IMMP2L: variants seen among roughly 807,000 people sequenced by gnomAD.
IMMP2L encodes inner mitochondrial membrane peptidase subunit 2, also known as mitochondrial inner membrane protease subunit 2.
In IMMP2L, 18 loss-of-function variants were observed where a neutral mutation model predicts 19.3. That is an observed-to-expected ratio of 0.93 (90% CI 0.64 to 1.38). The LOEUF is 1.38. Ranked by LOEUF, IMMP2L falls within the 40% of genes most tolerant of loss-of-function variation. The pLI is 0.00. For missense variants in IMMP2L, 233 were observed against 218.2 expected, an observed-to-expected ratio of 1.07 and a Z score of -0.43; for synonymous variants, 76 against 73.0, an observed-to-expected ratio of 1.04 and a Z score of -0.21.
At chr7:111,042,088 A>G (rs1311252140) in intron 3 of IMMP2L, among the ~76,000 whole-genome samples, 1 of 152,244 alleles carries the variant, frequency 6.6e-6, no homozygotes, top group Non-Finnish European at 1.5e-5. Flanking sequence ...ATAATTTATG[A>G]TTCTTAAAAT....
chr7:110,945,698 T>A (rs552450712), intron 4 of IMMP2L, among the ~76,000 whole-genome samples: 4 of 152,190 alleles, frequency 2.6e-5, no homozygotes, highest in Admixed American at 6.6e-5. Context: ...TCAGCCGCTT[T>A]CCATTTTTCT....
intron 3 of IMMP2L, among the ~76,000 whole-genome samples, chr7:110,998,101 C>T (rs1429351273): frequency 6.6e-6 from 1 of 152,100 alleles, no homozygotes; most frequent in East Asian, 1.9e-4. Context: ...CCCAAACTAT[C>T]CTTTCTCAGA....
chr7:111,199,491 A>C (rs1809871382), intron 3 of IMMP2L, among the ~76,000 whole-genome samples: 1 of 152,174 alleles, frequency 6.6e-6, no homozygotes, highest in Admixed American at 6.5e-5. Context: ...TTAACACATT[A>C]AAAACAGTAC....
chr7:111,254,241 T>TGTTTC (rs932129210), intron 3 of IMMP2L, among the ~76,000 whole-genome samples: 1 of 152,098 alleles, frequency 6.6e-6, no homozygotes, highest in African/African-American at 2.4e-5. Context: ...TGTTTTGTTT[T>TGTTTC]GTTTTGTTTT....
At chr7:110,891,187 A>G (rs1330839588) in intron 4 of IMMP2L, among the ~76,000 whole-genome samples, 3 of 151,778 alleles carry the variant, frequency 2.0e-5, no homozygotes, top group African/African-American at 7.3e-5. Context: ...GGACCCAGAA[A>G]TATCAGCAGT....
At chr7:111,044,638 T>G (rs1175225977) in intron 3 of IMMP2L, among the ~76,000 whole-genome samples, 1 of 152,238 alleles carries the variant, frequency 6.6e-6, no homozygotes, top group Admixed American at 6.5e-5. Context: ...ATAAGCCATT[T>G]GTCAATCTAC....
chr7:110,989,217 A>G (rs534880468), intron 3 of IMMP2L, among the ~76,000 whole-genome samples: 4 of 152,238 alleles, frequency 2.6e-5, no homozygotes, highest in African/African-American at 9.6e-5. Context: ...CCTGGGCAAC[A>G]AGAGTGAAAC....
chr7:111,448,438 C>G (rs1316929583), intron 3 of IMMP2L, among the ~76,000 whole-genome samples: 1 of 151,296 alleles, frequency 6.6e-6, no homozygotes, highest in Non-Finnish European at 1.5e-5. Context: ...GGAAACTGAA[C>G]AACCTGCTCC....
chr7:111,145,269 A>G (rs1803344102), intron 3 of IMMP2L, among the ~76,000 whole-genome samples: 1 of 152,106 alleles, frequency 6.6e-6, no homozygotes, highest in African/African-American at 2.4e-5. Context: ...AAAAGGGAAT[A>G]TGTGTAGTTG....
At chr7:110,973,495 T>C (rs143594652) in intron 3 of IMMP2L, among the ~76,000 whole-genome samples, 3 of 152,256 alleles carry the variant, frequency 2.0e-5, no homozygotes, top group South Asian at 2.1e-4. Flanking sequence ...ATAAAATTTA[T>C]TGAGGCATGT....
intron 4 of IMMP2L, among the ~76,000 whole-genome samples, chr7:110,906,002 A>G (rs969306142): frequency 6.6e-6 from 1 of 152,176 alleles, no homozygotes; most frequent in African/African-American, 2.4e-5. Flanking sequence ...TGCCAGTTTC[A>G]GTTTCTTTAC....
intron 3 of IMMP2L, among the ~76,000 whole-genome samples, chr7:111,112,344 GC>G (rs1799335646): frequency 6.6e-6 from 1 of 152,098 alleles, no homozygotes; most frequent in South Asian, 2.1e-4. Flanking sequence ...CACTGACCTA[GC>G]ATACATCAAG....
At chr7:110,909,819 T>C (rs1216064594) in intron 4 of IMMP2L, among the ~76,000 whole-genome samples, 1 of 151,964 alleles carries the variant, frequency 6.6e-6, no homozygotes, top group East Asian at 1.9e-4. Context: ...TTAAAGTATA[T>C]CTGTACTCTC....
At chr7:110,832,119 G>C (rs1211373516) in intron 5 of IMMP2L, among the ~76,000 whole-genome samples, 1 of 152,094 alleles carries the variant, frequency 6.6e-6, no homozygotes, top group Non-Finnish European at 1.5e-5. Context: ...AAAATTAGCT[G>C]GGTGTGGTGG....
intron 5 of IMMP2L, among the ~76,000 whole-genome samples, chr7:110,665,850 G>T (rs923486475): frequency 2.0e-5 from 3 of 152,042 alleles, no homozygotes; most frequent in South Asian, 2.1e-4. Context: ...TATCCTATAT[G>T]CCAGCTATAT....
chr7:110,960,395 A>G (rs941148672), intron 4 of IMMP2L, among the ~76,000 whole-genome samples: 2 of 151,794 alleles, frequency 1.3e-5, no homozygotes, highest in African/African-American at 4.8e-5. Context: ...GGAATCACTA[A>G]TCTATTTCTG....
At chr7:111,065,580 G>A (rs1458158931) in intron 3 of IMMP2L, among the ~76,000 whole-genome samples, 1 of 152,142 alleles carries the variant, frequency 6.6e-6, no homozygotes, top group East Asian at 1.9e-4. Flanking sequence ...ATTTGGATGG[G>A]CACCATCTAA....
chr7:111,275,173 A>G (rs1818886776), intron 3 of IMMP2L, among the ~76,000 whole-genome samples: 1 of 152,168 alleles, frequency 6.6e-6, no homozygotes, highest in African/African-American at 2.4e-5. Context: ...GAGACAAGGA[A>G]TACAGGTCAG....
chr7:110,979,002 G>A (rs929139497), intron 3 of IMMP2L, among the ~76,000 whole-genome samples: 2 of 152,040 alleles, frequency 1.3e-5, no homozygotes, highest in South Asian at 4.2e-4. Context: ...TTTATGGGAT[G>A]GACTATATAG....
Sources: allele counts gnomAD v4.1 joint callset (sites outside exome capture counted in the v4.1 genomes callset), GRCh38; gene constraint gnomAD v4.1.1; transcripts MANE v1.5; gene names NCBI Gene and HGNC (gene_info 2026-07-23, HGNC 2026-07-21).